NUDCD1: variants seen among roughly 807,000 people sequenced by gnomAD.
NUDCD1 encodes NudC domain containing 1.
In NUDCD1, 60 loss-of-function variants were observed where a neutral mutation model predicts 67.8. The ratio of observed to expected loss-of-function variants is 0.88; its 90% CI spans 0.72 to 1.10. NUDCD1 has a LOEUF of 1.10. Ranked by LOEUF, NUDCD1 falls within the 50% of genes least tolerant of loss-of-function variation. The pLI is 0.00. For missense variants in NUDCD1, 643 were observed against 695.0 expected (o/e 0.93, Z 0.84); for synonymous variants, 244 against 230.8 (o/e 1.06, Z -0.52).
At chr8:109,271,854 C>T (rs1446749455) in intron 7 of NUDCD1, among the ~76,000 whole-genome samples, 3 of 152,076 alleles carry the variant, frequency 2.0e-5, no homozygotes, top group South Asian at 2.1e-4. Context: ...TCATCAGAAA[C>T]TATGTAGGCC....
chr8:109,295,906 T>C (rs1586287008), intron 3 of NUDCD1, among the ~76,000 whole-genome samples: 1 of 152,136 alleles, frequency 6.6e-6, no homozygotes, highest in Non-Finnish European at 1.5e-5. Context: ...AAAATTAAAG[T>C]AAAAATGTTG....
intron 8 of NUDCD1, among the ~76,000 whole-genome samples, chr8:109,249,412 T>A (rs2129869887): frequency 6.6e-6 from 1 of 152,334 alleles, no homozygotes; most frequent in East Asian, 1.9e-4. Flanking sequence ...TACAATTTTA[T>A]GTCTCAGAAA....
At chr8:109,280,610 T>G (rs1334543579) in intron 6 of NUDCD1, among the ~76,000 whole-genome samples, 1 of 152,182 alleles carries the variant, frequency 6.6e-6, no homozygotes, top group Non-Finnish European at 1.5e-5. Flanking sequence ...TTTAAAATTT[T>G]AAAGAATGGA....
chr8:109,329,598 CAGA>C (rs1463353461), intron 1 of NUDCD1, among the ~76,000 whole-genome samples: 1 of 152,066 alleles, frequency 6.6e-6, no homozygotes, highest in Non-Finnish European at 1.5e-5. Context: ...ACCTAGAATG[CAGA>C]AGGAGCAGAG....
Position 109,280,129 on chromosome 8 carries a change from C to T in NUDCD1, c.1028+839G>A, listed in dbSNP as rs1814397317. ...TATAAACAGAAGTTATTGAAAACAACCTAAATTAACACAATAGAGGATTAA... is the reference window on the plus strand; with the variant it reads ...TATAAACAGAAGTTATTGAAAACAATCTAAATTAACACAATAGAGGATTAA... On this transcript the variant is annotated intron_variant, in intron 6 of 9. Coordinates refer to ENST00000239690, the MANE Select transcript of NUDCD1 (RefSeq NM_032869.4). Among the ~76,000 whole-genome samples, 3 of 151,866 alleles carry T rather than the reference C, an allele frequency of 2.0e-5. No homozygotes were observed. The South Asian group carries it at 6.2e-4, about 31-fold the overall frequency.
Position 109,242,853 on chromosome 8 carries a change from A to C in NUDCD1, c.*156T>G, listed in dbSNP as rs1586242345. 2.2e-6 allele frequency: 1 copy of C among 462,128 alleles called. No homozygotes were observed. The highest frequency in any genetic ancestry group is 3.2e-5 in the East Asian group (1 of 31,158). 28.6% of individuals were successfully genotyped at this position (462,128 alleles called of 1,614,324 possible). A position where few individuals can be genotyped will look rare whatever the true frequency, so the allele number is the denominator to read the frequency against. Reference sequence around the variant, plus strand: ...TCATTCCACAGCTTTACAGAATCATAATCTCTTGAATATATTTCCAATGTT... The same window carrying C: ...TCATTCCACAGCTTTACAGAATCATCATCTCTTGAATATATTTCCAATGTT... On this transcript the variant is annotated 3_prime_UTR_variant, in exon 10 of 10. Transcript: ENST00000239690.
chr8:109,267,751 T>G (rs1037382449), intron 8 of NUDCD1, among the ~76,000 whole-genome samples: 1 of 152,190 alleles, frequency 6.6e-6, no homozygotes, highest in Non-Finnish European at 1.5e-5. Context: ...TCATCAAATA[T>G]TGTCTATAAA....
At chr8:109,332,982 T>C (rs1815846155) in intron 1 of NUDCD1, among the ~76,000 whole-genome samples, 1 of 152,204 alleles carries the variant, frequency 6.6e-6, no homozygotes, top group African/African-American at 2.4e-5. Flanking sequence ...TGTTTTACAA[T>C]TATCTGTTTA....
chr8:109,322,857 A>G (rs561097739), intron 1 of NUDCD1, among the ~76,000 whole-genome samples: 73 of 152,336 alleles, frequency 4.8e-4, no homozygotes, highest in African/African-American at 1.7e-3. Flanking sequence ...ATGTTTTAAT[A>G]TACTATTATC....
chr8:109,262,053 G>A (rs983069072), intron 8 of NUDCD1, among the ~76,000 whole-genome samples: 3 of 152,066 alleles, frequency 2.0e-5, no homozygotes, highest in Non-Finnish European at 2.9e-5. Context: ...AAACTACAAG[G>A]GCAAGAAAAG....
chr8:109,279,390 A>G (rs1381812982), intron 6 of NUDCD1, among the ~76,000 whole-genome samples: 1 of 152,146 alleles, frequency 6.6e-6, no homozygotes, highest in Non-Finnish European at 1.5e-5. Context: ...CTAGCTGTTC[A>G]TCTATCTTCT....
At chr8:109,276,924 A>C (rs369387044) in intron 6 of NUDCD1, among the ~76,000 whole-genome samples, 9 of 152,274 alleles carry the variant, frequency 5.9e-5, no homozygotes, top group African/African-American at 2.2e-4. Flanking sequence ...TGGTCTCCCA[A>C]AGTGCTAGGA....
chr8:109,320,859 G>A (rs111495823), intron 2 of NUDCD1, among the ~76,000 whole-genome samples: 3,151 of 152,108 alleles, frequency 0.021, 110 homozygotes, highest in African/African-American at 0.072. Context: ...CTGACTTCCC[G>A]CAACATCATT....
chr8:109,296,245 A>G (rs1455204198), intron 3 of NUDCD1, 139 bp downstream of exon 3: 3 of 704,814 alleles, frequency 4.3e-6, no homozygotes, highest in Admixed American at 2.6e-5. Flanking sequence ...ATTTAGTTAA[A>G]AAGAGATCCA....
At chr8:109,329,854 G>A in intron 1 of NUDCD1, 1 of 1,549,906 alleles carries the variant, frequency 6.5e-7, no homozygotes, top group Non-Finnish European at 8.7e-7. Flanking sequence ...ATGGACATGG[G>A]ACCCTTCAAT....
At chr8:109,290,204 T>A (rs1814678210) in intron 4 of NUDCD1, among the ~76,000 whole-genome samples, 1 of 152,152 alleles carries the variant, frequency 6.6e-6, no homozygotes, top group Non-Finnish European at 1.5e-5. Flanking sequence ...TACTTAAAAT[T>A]AAGTAAAATT....
intron 1 of NUDCD1, chr8:109,329,747 G>A (rs1363718552): frequency 6.9e-7 from 1 of 1,453,532 alleles, no homozygotes; most frequent in Non-Finnish European, 9.4e-7. Flanking sequence ...GTAGTTTATT[G>A]TCAATTATGT....
At chr8:109,306,632 C>CG (rs1396841870) in intron 2 of NUDCD1, among the ~76,000 whole-genome samples, 1 of 63,292 alleles carries the variant, frequency 1.6e-5, no homozygotes, top group East Asian at 6.7e-4. Context: ...TTATGTTGAA[C>CG]CCCCCCCACC....
At chr8:109,260,711 T>G (rs1386922663) in intron 8 of NUDCD1, among the ~76,000 whole-genome samples, 5 of 152,214 alleles carry the variant, frequency 3.3e-5, no homozygotes, top group African/African-American at 4.8e-5. Flanking sequence ...TCTTTGAGAC[T>G]CTATACTCTG....
Sources: gnomAD v4.1 joint callset for allele counts (sites outside exome capture counted in the v4.1 genomes callset) on GRCh38, gnomAD v4.1.1 for gene constraint, MANE v1.5 for transcripts, NCBI Gene and HGNC (gene_info 2026-07-23, HGNC 2026-07-21) for gene names.